ESRRG: variants seen among roughly 807,000 people sequenced by gnomAD.
The protein encoded by ESRRG is estrogen related receptor gamma, also known as estrogen-related receptor gamma.
A neutral mutation model predicts 44.0 loss-of-function variants in ESRRG; 13 were observed. That is an observed-to-expected ratio of 0.30 (90% CI 0.19 to 0.47). ESRRG has a LOEUF of 0.47. Ranked by LOEUF, ESRRG falls within the 20% of genes least tolerant of loss-of-function variation. ESRRG has a pLI of 1.00. For synonymous variants in ESRRG, 215 were observed against 214.6 expected (o/e 1.00, Z -0.02); for missense variants, 395 against 580.6 (o/e 0.68, Z 3.29).
intron 1 of ESRRG, among the ~76,000 whole-genome samples, chr1:216,697,956 T>C (rs2080515753): frequency 6.6e-6 from 1 of 152,166 alleles, no homozygotes; most frequent in Non-Finnish European, 1.5e-5. Flanking sequence ...CCTTTAACAA[T>C]CCACGGTATG....
chr1:217,133,631 T>TC (rs2092998462), intron 1 of ESRRG, among the ~76,000 whole-genome samples: 3 of 58,442 alleles, frequency 5.1e-5, no homozygotes, highest in Non-Finnish European at 8.7e-5. Context: ...CTTTCTTTCT[T>TC]TCTCTCTCTC....
intron 2 of ESRRG, among the ~76,000 whole-genome samples, chr1:216,664,692 G>GAA (rs71163758): frequency 0.12 from 16,614 of 133,488 alleles, 1,494 homozygotes; most frequent in East Asian, 0.43. Flanking sequence ...TGCTACTGAA[G>GAA]AAAAAAAAAA....
chr1:217,023,173 ATG>A (rs2150943467), intron 1 of ESRRG, among the ~76,000 whole-genome samples: 1 of 152,304 alleles, frequency 6.6e-6, no homozygotes, highest in Admixed American at 6.5e-5. Flanking sequence ...ACAAAAAACA[ATG>A]TGTCTCTAAA....
upstream of ESRRG, among the ~76,000 whole-genome samples, chr1:217,091,972 GTTC>G (rs1429268517): frequency 6.6e-6 from 1 of 152,126 alleles, no homozygotes; most frequent in Non-Finnish European, 1.5e-5. Flanking sequence ...ATTTTGTTTT[GTTC>G]TTTTCAGACA....
intron 1 of ESRRG, among the ~76,000 whole-genome samples, chr1:216,707,999 T>C (rs146560719): frequency 7.4e-4 from 112 of 152,292 alleles, no homozygotes; most frequent in African/African-American, 2.7e-3. Flanking sequence ...TAAACATTTC[T>C]TAAGAAAAAA....
chr1:216,831,092 C>A (rs1389409580), intron 2 of ESRRG, among the ~76,000 whole-genome samples: 1 of 151,884 alleles, frequency 6.6e-6, no homozygotes. Flanking sequence ...TATTGGGATG[C>A]AGCTCCTGTT....
intron 2 of ESRRG, among the ~76,000 whole-genome samples, chr1:216,935,177 C>G (rs535173214): frequency 1.3e-5 from 2 of 152,260 alleles, no homozygotes; most frequent in East Asian, 1.9e-4. Flanking sequence ...TGGTCACCAA[C>G]TGGGTGTCCT....
At chr1:216,938,241 C>T (rs2064499963) in intron 2 of ESRRG, among the ~76,000 whole-genome samples, 1 of 152,094 alleles carries the variant, frequency 6.6e-6, no homozygotes, top group Non-Finnish European at 1.5e-5. Context: ...AATCATTGCC[C>T]CTTCCTGCAA....
chr1:217,103,666 AAT>A, intron 1 of ESRRG, among the ~76,000 whole-genome samples: 1 of 7,550 alleles, frequency 1.3e-4, no homozygotes, highest in South Asian at 4.8e-3. Context: ...TCCAAAAAAT[AAT>A]TAATTAATTA....
At chr1:216,648,752 T>C (rs941997213) in intron 3 of ESRRG, among the ~76,000 whole-genome samples, 6 of 152,152 alleles carry the variant, frequency 3.9e-5, no homozygotes, top group Non-Finnish European at 7.4e-5. Context: ...TATAGATCAA[T>C]ACCACATCAA....
chr1:216,952,633 C>T (rs764370331), intron 1 of ESRRG, among the ~76,000 whole-genome samples: 3 of 152,062 alleles, frequency 2.0e-5, no homozygotes, highest in Admixed American at 6.6e-5. Context: ...GTCATTATAT[C>T]CACCTTCTGA....
chr1:216,716,658 CTG>C (rs1436078454), intron 1 of ESRRG, among the ~76,000 whole-genome samples: 3 of 151,824 alleles, frequency 2.0e-5, no homozygotes, highest in Non-Finnish European at 4.4e-5. Context: ...ATGACAAAGA[CTG>C]TTTTTTATAA....
chr1:216,902,819 T>G (rs1364925850), intron 2 of ESRRG, among the ~76,000 whole-genome samples: 1 of 152,226 alleles, frequency 6.6e-6, no homozygotes, highest in Non-Finnish European at 1.5e-5. Flanking sequence ...CATGACCACA[T>G]GCATAGCATT....
At chr1:216,699,526 G>A (rs1178392000) in intron 1 of ESRRG, among the ~76,000 whole-genome samples, 2 of 152,140 alleles carry the variant, frequency 1.3e-5, no homozygotes, top group Non-Finnish European at 2.9e-5. Flanking sequence ...CATAACTCTT[G>A]ATGTTGAAAG....
intron 6 of ESRRG, among the ~76,000 whole-genome samples, chr1:216,513,152 T>C (rs750609691): frequency 8.5e-5 from 13 of 152,182 alleles, no homozygotes; most frequent in Non-Finnish European, 1.5e-4. Context: ...ACTCATATAC[T>C]CGTTAAGGTC....
chr1:216,907,786 C>T (rs181207213), intron 2 of ESRRG, among the ~76,000 whole-genome samples: 30 of 152,234 alleles, frequency 2.0e-4, no homozygotes, highest in East Asian at 7.7e-4. Context: ...AGAACAATGC[C>T]GGTTGACGTA....
Position 216,893,862 on chromosome 1 carries a change from T to C in ESRRG, c.-14+45720A>G, listed in dbSNP as rs113308358. On this transcript the variant is annotated intron_variant, in intron 2 of 7. Transcript: ENST00000359162. The stretch of plus-strand genomic sequence containing the variant: ...ATTTGAAGGAAGGCTGCTTCATGAT[T>C]ACTAAGGGAATCGAATGCACCAAAC... 4.8e-3 allele frequency among the ~76,000 whole-genome samples: 727 copies of C among 152,364 alleles called. 2 individuals carry two copies. The highest frequency in any genetic ancestry group is 0.017 in the African/African-American group (704 of 41,594).
chr1:216,548,789 G>A (rs1452354667), intron 5 of ESRRG, among the ~76,000 whole-genome samples: 2 of 151,982 alleles, frequency 1.3e-5, no homozygotes, highest in East Asian at 3.9e-4. Flanking sequence ...AGGAAAGTGT[G>A]CCCCCATCTA....
In ESRRG at chr1:216,763,941, G is replaced by A. The variant is rs185794741; in HGVS notation, c.-13-86450C>T. Reference sequence around the variant, plus strand: ...TAGGTATTCAATGTGTTACAGTCTTGAAGAGAAGACTAATCTGGGGAAAAA... The same window carrying A: ...TAGGTATTCAATGTGTTACAGTCTTAAAGAGAAGACTAATCTGGGGAAAAA... On this transcript the variant is annotated intron_variant, in intron 2 of 7. Coordinates refer to the ESRRG transcript ENST00000359162. Among the ~76,000 whole-genome samples, 651 of 152,246 alleles carry A rather than the reference G, an allele frequency of 4.3e-3. 4 individuals carry two copies. The highest frequency in any genetic ancestry group is 0.015 in the African/African-American group (629 of 41,544).
Sources: allele counts gnomAD v4.1 joint callset (sites outside exome capture counted in the v4.1 genomes callset), GRCh38; gene constraint gnomAD v4.1.1; transcripts MANE v1.5; gene names NCBI Gene and HGNC (gene_info 2026-07-23, HGNC 2026-07-21).